The following PRKCG variants were observed in gnomAD, a reference collection of about 807,000 sequenced individuals.
PRKCG encodes the protein protein kinase C gamma.
In PRKCG, 28 loss-of-function variants were observed where a neutral mutation model predicts 82.0. The ratio of observed to expected loss-of-function variants is 0.34; its 90% CI spans 0.25 to 0.47. The LOEUF is 0.47. Among genes scored for constraint, PRKCG ranks in the 20% least tolerant of loss-of-function variants. PRKCG has a pLI of 1.00. For missense variants in PRKCG, 640 were observed against 952.7 expected (o/e 0.67, Z 4.32); for synonymous variants, 383 against 376.6 (o/e 1.02, Z -0.20).
intron 5 of PRKCG, among the ~76,000 whole-genome samples, chr19:53,890,978 C>T (rs1408316459): frequency 6.6e-6 from 1 of 152,076 alleles, no homozygotes; most frequent in African/African-American, 2.4e-5. Flanking sequence ...TCTGGAACTC[C>T]TGACCTCAGG....
At position 53,893,920 on chromosome 19, in the gene PRKCG, A is replaced by T. The variant is rs550644917; in HGVS notation, c.939+529A>T. Among the ~76,000 whole-genome samples, 1,218 of 148,504 alleles carry T rather than the reference A, an allele frequency of 8.2e-3. 19 individuals carry two copies. The highest frequency in any genetic ancestry group is 0.029 in the African/African-American group (1,180 of 40,480). On this transcript the variant is annotated intron_variant, in intron 9 of 17. Coordinates refer to ENST00000263431, the MANE Select transcript of PRKCG (RefSeq NM_002739.5). ...AGGTGACCGCCACCACACCCAGCTA[A>T]TTTTTTTTTTATTTTTAGTAGAGAT... is the stretch of plus-strand genomic sequence containing the variant.
In PRKCG at chr19:53,906,951, C is replaced by A; in HGVS notation, c.*56C>A. On this transcript the variant is annotated 3_prime_UTR_variant, in exon 18 of 18. Coordinates refer to ENST00000263431, the MANE Select transcript of PRKCG (RefSeq NM_002739.5). ...GTCCCCTCCGCCGTGCCGGCGGCAG[C>A]CCCACTTCACCCCCAACTTCACCAC... The A allele has an allele frequency of 6.2e-7, 1 of 1,601,984 alleles. No individual in the cohort carries two copies. The highest frequency in any genetic ancestry group is 8.5e-7 in the Non-Finnish European group (1 of 1,177,906).
In PRKCG at chr19:53,900,803, G is replaced by C; in HGVS notation, c.1575+54G>C. Reference sequence around the variant, plus strand: ...GCTTTGAGATCCCTTAGAGGGTGTAGCTGATGGTCCAGTATTCACCACGGG... The same window carrying C: ...GCTTTGAGATCCCTTAGAGGGTGTACCTGATGGTCCAGTATTCACCACGGG... On this transcript the variant is annotated intron_variant, in intron 14 of 17. Transcript: ENST00000263431. This position sits in a 1 kb window ranked among gnomAD's most constrained non-coding sequence, Gnocchi z 4.2. The C allele has an allele frequency of 6.2e-7, 1 of 1,612,800 alleles. No homozygotes were observed. Among genetic ancestry groups the C allele is most frequent in the Non-Finnish European group, 8.5e-7 (1 of 1,179,754 alleles).
rs566268760 is a variant in PRKCG, at chr19:53,904,560, G to A, written c.1657-75G>A. The A allele has an allele frequency of 6.9e-6, 9 of 1,298,316 alleles. No individual in the cohort carries two copies. The South Asian group carries it at 8.8e-5, about 13-fold the overall frequency. 80.4% of individuals were successfully genotyped at this position (1,298,316 alleles called of 1,614,324 possible). On this transcript the variant is annotated intron_variant, in intron 15 of 17. Coordinates refer to ENST00000263431, the MANE Select transcript of PRKCG (RefSeq NM_002739.5). The stretch of plus-strand genomic sequence containing the variant: ...ATGGGTCAGGCATGTTCCCGGTGGG[G>A]TGAGGAGGGTGTGGAAGGTTTGGGG...
chr19:53,905,647 C>G (rs2123027517), intron 16 of PRKCG, among the ~76,000 whole-genome samples: 1 of 148,384 alleles, frequency 6.7e-6, no homozygotes, highest in East Asian at 2.0e-4. Context: ...CCTCTCTTCC[C>G]CCATTCCCTC....
Position 53,892,971 on chromosome 19 carries a change from C to A in PRKCG, c.822-17C>A. On this transcript the variant is annotated splice_polypyrimidine_tract_variant and intron_variant, in intron 7 of 17. Transcript: ENST00000263431. This position sits in a 1 kb window ranked among gnomAD's most constrained non-coding sequence, Gnocchi z 5.9. ...CCCATCCCCGCTGCCCGCCTCTGGT[C>A]TCCGTCTGTATGTCAGGTACAAGTT... 6.2e-7 allele frequency: 1 copy of A among 1,612,608 alleles called. No individual in the cohort carries two copies. The highest frequency in any genetic ancestry group is 1.1e-5 in the South Asian group (1 of 91,012).
In PRKCG at chr19:53,900,895, C is replaced by A; in HGVS notation, c.1575+146C>A. The A allele has an allele frequency of 7.0e-7, 1 of 1,419,954 alleles. No individual in the cohort carries two copies. 88.0% of individuals were successfully genotyped at this position (1,419,954 alleles called of 1,614,324 possible). On this transcript the variant is annotated intron_variant, in intron 14 of 17. Coordinates refer to ENST00000263431, the MANE Select transcript of PRKCG (RefSeq NM_002739.5). This position sits in a 1 kb window ranked among gnomAD's most constrained non-coding sequence, Gnocchi z 4.2. ...TTACACAGCCAGTCGTTCCTCCAGC[C>A]TCCAGCACAGGTGAGCTTGGCACTG...
chr19:53,901,306 G>A (rs1046763483), intron 14 of PRKCG, among the ~76,000 whole-genome samples: 5 of 152,152 alleles, frequency 3.3e-5, no homozygotes, highest in African/African-American at 1.2e-4. Flanking sequence ...CACTTTGGGA[G>A]GCTGAGGCAG....
At position 53,889,593 on chromosome 19, in the gene PRKCG, T is replaced by G. The variant is rs374021385; in HGVS notation, c.286-45T>G. On this transcript the variant is annotated intron_variant, in intron 3 of 17. Coordinates refer to ENST00000263431, the MANE Select transcript of PRKCG (RefSeq NM_002739.5). This position sits in a 1 kb window ranked among gnomAD's most constrained non-coding sequence, Gnocchi z 4.4. ...TAAAAGGGCCCCTCCCCTGGGGTTT[T>G]AGGACCCTCCCAACGCCCCCTAAGC... 11 of 1,501,276 alleles carry G rather than the reference T, an allele frequency of 7.3e-6. No homozygotes were observed. In the Admixed American group the frequency reaches 8.4e-5, roughly 11 times the overall value. 93.0% of individuals were successfully genotyped at this position (1,501,276 alleles called of 1,614,324 possible).
chr19:53,891,158 G>A (rs2068672426), intron 5 of PRKCG, among the ~76,000 whole-genome samples: 1 of 152,158 alleles, frequency 6.6e-6, no homozygotes, highest in Non-Finnish European at 1.5e-5. Context: ...GGTTCCTAAT[G>A]GAGAGAAGGG....
chr19:53,906,030 C>T (rs1030732253), intron 16 of PRKCG, among the ~76,000 whole-genome samples: 2 of 90,380 alleles, frequency 2.2e-5, no homozygotes, highest in Non-Finnish European at 4.4e-5. Flanking sequence ...TGTCTCCCTC[C>T]TCCTCCTCCT....
chr19:53,894,105 G>A (rs892662913), intron 9 of PRKCG, among the ~76,000 whole-genome samples: 6 of 150,696 alleles, frequency 4.0e-5, no homozygotes, highest in East Asian at 2.0e-4. Flanking sequence ...TCGCTGTGAC[G>A]CCCAGGCTGG....
chr19:53,897,817 G>A, intron 9 of PRKCG, 142 bp from the exon 10 acceptor site: 1 of 1,082,820 alleles, frequency 9.2e-7, no homozygotes, highest in Non-Finnish European at 1.4e-6. Context: ...ATTAAGCCAA[G>A]GACAGGGTAG....
Position 53,890,782 on chromosome 19 carries a change from C to T in PRKCG, c.529+765C>T, listed in dbSNP as rs1309949662. ...TTTTTTTTTTTTTGAGACAAGATCT[C>T]GCTCTGTTGCCCAGGCTGGAGTGCA... is the stretch of plus-strand genomic sequence containing the variant. On this transcript the variant is annotated intron_variant, in intron 5 of 17. Transcript: ENST00000263431. 4.8e-5 allele frequency among the ~76,000 whole-genome samples: 7 copies of T among 145,316 alleles called. No homozygotes were observed. In the East Asian group the frequency reaches 8.0e-4, roughly 17 times the overall value.
Position 53,906,984 on chromosome 19 carries a change from C to T in PRKCG, c.*89C>T. On this transcript the variant is annotated 3_prime_UTR_variant, in exon 18 of 18. Coordinates refer to ENST00000263431, the MANE Select transcript of PRKCG (RefSeq NM_002739.5). ...CACCCCCAACTTCACCACCCCCTGT[C>T]CCATTCTAGATCCTGCACCCCAGCA... 1 of 1,583,578 alleles carries T rather than the reference C, an allele frequency of 6.3e-7. No individual in the cohort carries two copies. Among genetic ancestry groups the T allele is most frequent in the Non-Finnish European group, 8.6e-7 (1 of 1,166,674 alleles).
In PRKCG at chr19:53,882,385, T is replaced by C; in HGVS notation, c.-110T>C. 1 of 1,505,862 alleles carries C rather than the reference T, an allele frequency of 6.6e-7. No homozygotes were observed. The highest frequency in any genetic ancestry group is 9.0e-7 in the Non-Finnish European group (1 of 1,110,594). 93.3% of individuals were successfully genotyped at this position (1,505,862 alleles called of 1,614,324 possible). A position where few individuals can be genotyped will look rare whatever the true frequency, so the allele number is the denominator to read the frequency against. Reference sequence around the variant, plus strand: ...GTGCCTTGCCCCTCTCCTGCCCACCTCGGAATTTCCCTGTGGCTCCTTTGA... The same window carrying C: ...GTGCCTTGCCCCTCTCCTGCCCACCCCGGAATTTCCCTGTGGCTCCTTTGA... On this transcript the variant is annotated 5_prime_UTR_variant, in exon 1 of 18. Transcript: ENST00000263431. This position sits in a 1 kb window ranked among gnomAD's most constrained non-coding sequence, Gnocchi z 6.1.
At position 53,892,362 on chromosome 19, in the gene PRKCG, G is replaced by C. The variant is rs10420358; in HGVS notation, c.687-147G>C. On this transcript the variant is annotated intron_variant, in intron 6 of 17. Transcript: ENST00000263431. The surrounding 1 kb of genome is among the most constrained non-coding windows in gnomAD (Gnocchi z 5.9). ...AAAGCCCTAGCTGGAGAGAGAGCCC[G>C]GCTGGGAAGGTCAGAGGTCGGAGAC... 566,458 of 1,241,960 alleles carry C rather than the reference G, an allele frequency of 0.46. 131,893 individuals carry two copies. Among genetic ancestry groups the C allele is most frequent in the African/African-American group, 0.66 (44,030 of 66,958 alleles). 76.9% of individuals were successfully genotyped at this position (1,241,960 alleles called of 1,614,324 possible).
chr19:53,905,817 A>G (rs1435913100), intron 16 of PRKCG, among the ~76,000 whole-genome samples: 2 of 85,702 alleles, frequency 2.3e-5, no homozygotes, highest in Non-Finnish European at 4.6e-5. Context: ...CCTCTTCTCC[A>G]TCTCCCTCAT....
chr19:53,905,965 T>G, intron 16 of PRKCG, among the ~76,000 whole-genome samples: 1 of 139,652 alleles, frequency 7.2e-6, no homozygotes, highest in Non-Finnish European at 1.5e-5. Flanking sequence ...TCTCTCTCTC[T>G]CTGTCCCTCT....
Sources: allele counts gnomAD v4.1 joint callset (sites outside exome capture counted in the v4.1 genomes callset), GRCh38; gene constraint gnomAD v4.1.1; non-coding constraint Gnocchi (gnomAD v3.1); transcripts MANE v1.5; gene names NCBI Gene and HGNC (gene_info 2026-07-23, HGNC 2026-07-21).